Variants in TMEM87A observed in about 807,000 individuals in gnomAD.
TMEM87A encodes Golgi-pH regulating cation channel.
In TMEM87A, 50 loss-of-function variants were observed where a neutral mutation model predicts 90.0. The observed-to-expected ratio is 0.56, with a 90% CI of 0.44 to 0.70. The LOEUF (loss-of-function observed/expected upper bound fraction) is 0.70. Ranked by LOEUF, TMEM87A falls within the 30% of genes least tolerant of loss-of-function variation. TMEM87A has a pLI of 0.00. For synonymous variants in TMEM87A, 226 were observed against 226.7 expected (o/e 1.00, Z 0.03); for missense variants, 577 against 660.5 (o/e 0.87, Z 1.39).
intron 11 of TMEM87A, among the ~76,000 whole-genome samples, chr15:42,231,464 A>G (rs1489922231): frequency 6.6e-6 from 1 of 152,244 alleles, no homozygotes; most frequent in Non-Finnish European, 1.5e-5. Context: ...CATTTCACAT[A>G]AATTGTCATT....
intron 15 of TMEM87A, chr15:42,224,611 C>CCTG (rs1008267697): frequency 6.6e-6 from 1 of 152,222 alleles, no homozygotes; most frequent in Non-Finnish European, 1.5e-5. Context: ...AATCACTGAA[C>CCTG]ATCAGGATGG....
intron 3 of TMEM87A, among the ~76,000 whole-genome samples, chr15:42,265,737 A>G (rs551796447): frequency 6.6e-6 from 1 of 152,264 alleles, no homozygotes; most frequent in South Asian, 2.1e-4. Context: ...CTTTTGTTGC[A>G]ATTGCTTTTG....
At chr15:42,257,095 A>G (rs1872210778) in intron 6 of TMEM87A, among the ~76,000 whole-genome samples, 1 of 152,190 alleles carries the variant, frequency 6.6e-6, no homozygotes, top group Non-Finnish European at 1.5e-5. Context: ...TCTATTTTAA[A>G]TGATGACAGC....
rs1051475035 is a variant in TMEM87A at position 42,243,319 on chromosome 15, A to G, written c.622+731T>C. ...AAATAAATAAATAAATAAATAAAAA[A>G]AAAGAAAGCAGGGGAGGAAAGGAAA... is the stretch of plus-strand genomic sequence containing the variant. On this transcript the variant is annotated intron_variant, in intron 7 of 19. Coordinates refer to ENST00000389834, the MANE Select transcript of TMEM87A (RefSeq NM_015497.5). Among the ~76,000 whole-genome samples, 64 of 128,546 alleles carry G rather than the reference A, an allele frequency of 5.0e-4. 1 individual carries two copies. The highest frequency in any genetic ancestry group is 6.2e-4 in the Admixed American group (8 of 12,928). The allele number at this position is 128,546 out of a possible 152,430, so 84.3% of individuals were successfully genotyped here.
chr15:42,220,173 A>C (rs771845611), intron 15 of TMEM87A, 38 bp from the exon 16 acceptor site: 19 of 1,478,840 alleles, frequency 1.3e-5, no homozygotes, highest in Non-Finnish European at 1.7e-5. Flanking sequence ...AAAAATTAGA[A>C]AACTTCAAAA....
rs2051219350 is a variant in TMEM87A, at chr15:42,258,203, C to T, written c.504+2755G>A. 3 of 958,886 alleles carry T rather than the reference C, an allele frequency of 3.1e-6. No homozygotes were observed. In the East Asian group the frequency reaches 3.4e-4, roughly 110 times the overall value. 59.4% of individuals were successfully genotyped at this position (958,886 alleles called of 1,614,324 possible). On this transcript the variant is annotated intron_variant, in intron 6 of 19. Coordinates refer to ENST00000389834, the MANE Select transcript of TMEM87A (RefSeq NM_015497.5). ...AATACAATATTTACCAAACTGACGA[C>T]ATGTCCATGTTATATTGCTAAGCTA...
intron 15 of TMEM87A, 135 bp downstream of exon 15, chr15:42,226,671 C>G: frequency 1.4e-6 from 1 of 737,720 alleles, no homozygotes; most frequent in Non-Finnish European, 2.3e-6. Context: ...GAGATAGGAA[C>G]CCAGTTCTTC....
chr15:42,268,219 T>C (rs950988080), intron 2 of TMEM87A, among the ~76,000 whole-genome samples, 187 bp from the exon 3 acceptor site: 1 of 152,218 alleles, frequency 6.6e-6, no homozygotes, highest in African/African-American at 2.4e-5. Flanking sequence ...AAAAGTATTG[T>C]TGTTCATAGA....
intron 7 of TMEM87A, among the ~76,000 whole-genome samples, chr15:42,240,515 G>A (rs778448833): frequency 6.6e-6 from 1 of 152,106 alleles, no homozygotes; most frequent in Non-Finnish European, 1.5e-5. Context: ...TGTTTAATGA[G>A]ACAGATAAAG....
chr15:42,269,350 CT>C lies in TMEM87A; in HGVS notation c.206-1319del, dbSNP rs199660918. On this transcript the variant is annotated intron_variant, in intron 2 of 19. Transcript: ENST00000389834. Reference sequence around the variant, plus strand: ...AAGAAGCAACCTAATTATAAGCTTCCTTTTTTTTTCTTTTAAACTGTTTTCT... The same window carrying C: ...AAGAAGCAACCTAATTATAAGCTTCCTTTTTTTTCTTTTAAACTGTTTTCT... 1.7e-4 allele frequency among the ~76,000 whole-genome samples: 26 copies of C among 151,442 alleles called. No homozygotes were observed. In the East Asian group the frequency reaches 2.3e-3, roughly 14 times the overall value.
chr15:42,268,198 G>T (rs2140990875), intron 2 of TMEM87A, among the ~76,000 whole-genome samples, 166 bp from the exon 3 acceptor site: 1 of 152,284 alleles, frequency 6.6e-6, no homozygotes, highest in South Asian at 2.1e-4. Flanking sequence ...AAAAGAGCTG[G>T]ATATTAAGAT....
At chr15:42,261,046 TG>T (rs771498071) in intron 5 of TMEM87A, 44 bp from the exon 6 acceptor site, 4 of 1,572,878 alleles carry the variant, frequency 2.5e-6, no homozygotes, top group Non-Finnish European at 2.6e-6. Flanking sequence ...CAGAACTTCT[TG>T]TTTTTAGCTG....
At chr15:42,233,130 C>A in intron 11 of TMEM87A, 83 bp downstream of exon 11, 1 of 1,193,672 alleles carries the variant, frequency 8.4e-7, no homozygotes, top group East Asian at 2.4e-5. Context: ...GAAAGAAGCC[C>A]ACAGACATTT....
intron 6 of TMEM87A, chr15:42,257,883 T>TA (rs2051212764): frequency 2.0e-6 from 2 of 981,376 alleles, no homozygotes; most frequent in Admixed American, 1.2e-4. Context: ...TATGATCTTA[T>TA]TTTGGTTAAT....
At position 42,236,418 on chromosome 15, in the gene TMEM87A, G is replaced by C; in HGVS notation, c.870C>G (p.Val290=). ...FQNIRYKGES[V]QGALILAELL... ...GCTCTGCAAGGATCAAAGCACCCTG[G>C]ACTATGAAAAAGAAGGGAAGAAATG... Residue 290 remains valine, a splice_region_variant and synonymous_variant, in exon 10 of 20, where the codon GTC becomes GTG. Transcript: ENST00000389834. The C allele has an allele frequency of 1.9e-6, 3 of 1,613,878 alleles. No individual in the cohort carries two copies. The highest frequency in any genetic ancestry group is 2.5e-6 in the Non-Finnish European group (3 of 1,179,806).
chr15:42,251,823 C>T (rs1180142928), intron 6 of TMEM87A, among the ~76,000 whole-genome samples: 1 of 152,218 alleles, frequency 6.6e-6, no homozygotes, highest in Non-Finnish European at 1.5e-5. Context: ...GTTTCTGCTG[C>T]CTTTTGTTCA....
At chr15:42,247,158 T>C (rs2050993245) in intron 6 of TMEM87A, among the ~76,000 whole-genome samples, 1 of 152,232 alleles carries the variant, frequency 6.6e-6, no homozygotes, top group Non-Finnish European at 1.5e-5. Context: ...TTCTTGTAAA[T>C]TTGTTTAAGT....
intron 15 of TMEM87A, among the ~76,000 whole-genome samples, chr15:42,222,985 C>CT (rs1227465157): frequency 1.3e-5 from 2 of 152,192 alleles, no homozygotes; most frequent in Non-Finnish European, 2.9e-5. Flanking sequence ...CTCCATATTT[C>CT]TGAGATTTTG....
chr15:42,254,344 C>G (rs2051138661), intron 6 of TMEM87A, among the ~76,000 whole-genome samples: 2 of 152,216 alleles, frequency 1.3e-5, no homozygotes, highest in African/African-American at 4.8e-5. Flanking sequence ...ATCTAGCAGT[C>G]ATGCTCCTTG....
Sources: gnomAD v4.1 joint callset for allele counts (sites outside exome capture counted in the v4.1 genomes callset) on GRCh38, gnomAD v4.1.1 for gene constraint, MANE v1.5 for transcripts, NCBI Gene and HGNC (gene_info 2026-07-23, HGNC 2026-07-21) for gene names.